The following GRM7 variants were observed in gnomAD, a reference collection of about 807,000 sequenced individuals.
The protein encoded by GRM7 is glutamate metabotropic receptor 7, also known as metabotropic glutamate receptor 7.
Under a neutral mutation model 84.5 loss-of-function variants are expected in GRM7, and 35 were observed. That is an observed-to-expected ratio of 0.41 (90% CI 0.32 to 0.55). GRM7 has a LOEUF of 0.55. Ranked by LOEUF, GRM7 falls within the 20% of genes least tolerant of loss-of-function variation. The pLI, the probability that GRM7 is intolerant of heterozygous loss-of-function variation, is 0.19. For synonymous variants in GRM7, 487 were observed against 455.1 expected (o/e 1.07, Z -0.89); for missense variants, 1,003 against 1,194.6 (o/e 0.84, Z 2.36).
At chr3:7,056,197 CT>C (rs1697213654) in intron 1 of GRM7, among the ~76,000 whole-genome samples, 1 of 152,154 alleles carries the variant, frequency 6.6e-6, no homozygotes, top group South Asian at 2.1e-4. Flanking sequence ...GAGGTCCTTT[CT>C]TTTCCCCAAC....
intron 2 of GRM7, among the ~76,000 whole-genome samples, chr3:7,170,283 C>G (rs1301219234): frequency 6.6e-6 from 1 of 152,112 alleles, no homozygotes; most frequent in Non-Finnish European, 1.5e-5. Context: ...ATGGGCAAAT[C>G]GTGGAGGCCA....
At chr3:7,633,457 G>A (rs1414794673) in intron 8 of GRM7, among the ~76,000 whole-genome samples, 18 of 152,060 alleles carry the variant, frequency 1.2e-4, no homozygotes, top group East Asian at 1.9e-4. Flanking sequence ...ATACACTGCC[G>A]CAAAAGAGGA....
intron 8 of GRM7, among the ~76,000 whole-genome samples, chr3:7,625,285 C>G (rs990737997): frequency 3.9e-4 from 59 of 152,010 alleles, no homozygotes; most frequent in African/African-American, 1.4e-3. Context: ...CAGTAACAAA[C>G]AAGATTCGCT....
At chr3:7,050,100 G>T (rs939701303) in intron 1 of GRM7, among the ~76,000 whole-genome samples, 1 of 151,830 alleles carries the variant, frequency 6.6e-6, no homozygotes, top group African/African-American at 2.4e-5. Flanking sequence ...AGGATACAAG[G>T]CTATGAGGAG....
chr3:7,041,612 A>G (rs1559401590), intron 1 of GRM7, among the ~76,000 whole-genome samples: 1 of 152,218 alleles, frequency 6.6e-6, no homozygotes, highest in Non-Finnish European at 1.5e-5. Context: ...TCTTATGAAC[A>G]TATGTTTTCA....
chr3:7,062,671 A>G (rs1159250127), intron 1 of GRM7, among the ~76,000 whole-genome samples: 1 of 151,764 alleles, frequency 6.6e-6, no homozygotes, highest in African/African-American at 2.4e-5. Context: ...GACTTTTAGC[A>G]TATTTGTCTA....
chr3:7,349,917 G>C (rs528945488), intron 4 of GRM7, among the ~76,000 whole-genome samples: 1 of 151,680 alleles, frequency 6.6e-6, no homozygotes, highest in East Asian at 1.9e-4. Flanking sequence ...TCAAATGCTT[G>C]ATAGGCATCT....
chr3:7,374,699 C>A (rs2125121772), intron 4 of GRM7, among the ~76,000 whole-genome samples: 1 of 150,652 alleles, frequency 6.6e-6, no homozygotes, highest in South Asian at 2.1e-4. Context: ...CCATGTTGGC[C>A]AGGGTGGTCT....
chr3:7,602,976 G>A (rs537146518), intron 8 of GRM7, among the ~76,000 whole-genome samples: 61 of 152,224 alleles, frequency 4.0e-4, no homozygotes, highest in Middle Eastern at 6.8e-3. Context: ...AGCATCTACT[G>A]ACAGAATGAG....
chr3:7,568,102 G>C (rs1346822433), intron 7 of GRM7, among the ~76,000 whole-genome samples: 2 of 152,132 alleles, frequency 1.3e-5, no homozygotes, highest in African/African-American at 4.8e-5. Flanking sequence ...TTCCTTAATT[G>C]CTGGTGGCAG....
rs143952611 is a variant in GRM7 at position 7,570,490 on chromosome 3, C to A, written c.1516-7932C>A. Among the ~76,000 whole-genome samples, 117 of 152,338 alleles carry A rather than the reference C, an allele frequency of 7.7e-4. 1 individual carries two copies. The highest frequency in any genetic ancestry group is 2.5e-3 in the African/African-American group (106 of 41,590). On this transcript the variant is annotated intron_variant, in intron 7 of 9. Transcript: ENST00000357716. ...CCAAAATCCAGCAGGGCAGTCAAAT[C>A]TTAAGCTCCAAAATGAGCTCCTTTT...
chr3:7,152,413 G>T (rs898626096), intron 2 of GRM7, among the ~76,000 whole-genome samples: 2 of 152,088 alleles, frequency 1.3e-5, no homozygotes, highest in African/African-American at 2.4e-5. Context: ...TTCCACAGAG[G>T]ATCAAGTAAA....
intron 1 of GRM7, among the ~76,000 whole-genome samples, chr3:6,972,450 T>A (rs963693620): frequency 2.6e-5 from 4 of 152,212 alleles, no homozygotes; most frequent in Admixed American, 1.3e-4. Flanking sequence ...AAATCCATAA[T>A]GATACAAATC....
intron 4 of GRM7, among the ~76,000 whole-genome samples, chr3:7,413,222 T>G (rs767883750): frequency 6.6e-6 from 1 of 152,114 alleles, no homozygotes; most frequent in Non-Finnish European, 1.5e-5. Flanking sequence ...TATCAGAAGC[T>G]CCATAGCCAT....
chr3:7,162,754 T>G (rs900768754), intron 2 of GRM7, among the ~76,000 whole-genome samples: 1 of 44,246 alleles, frequency 2.3e-5, no homozygotes, highest in African/African-American at 8.8e-5. Flanking sequence ...TTTTTTTTTT[T>G]TTTTTTTTTT....
At chr3:6,937,596 G>A (rs1697735068) in intron 1 of GRM7, among the ~76,000 whole-genome samples, 1 of 152,174 alleles carries the variant, frequency 6.6e-6, no homozygotes, top group Non-Finnish European at 1.5e-5. Flanking sequence ...CTCCCACAGG[G>A]AAGGAACCAA....
chr3:6,888,348 G>T (rs1328930048), intron 1 of GRM7, among the ~76,000 whole-genome samples: 4 of 152,046 alleles, frequency 2.6e-5, no homozygotes, highest in Admixed American at 2.0e-4. Context: ...TTTCTTCTAG[G>T]GTTTTTATGG....
intron 1 of GRM7, among the ~76,000 whole-genome samples, chr3:7,038,399 G>A (rs75812559): frequency 1.3e-3 from 194 of 152,228 alleles, no homozygotes; most frequent in African/African-American, 4.1e-3. Context: ...GCTTGATTCC[G>A]CTTTCCCTTT....
chr3:7,055,929 A>C (rs1697202931), intron 1 of GRM7, among the ~76,000 whole-genome samples: 1 of 151,984 alleles, frequency 6.6e-6, no homozygotes, highest in South Asian at 2.1e-4. Context: ...GAATCAACCT[A>C]GTTGTGCTAA....
Sources: allele counts gnomAD v4.1 joint callset (sites outside exome capture counted in the v4.1 genomes callset), GRCh38; gene constraint gnomAD v4.1.1; transcripts MANE v1.5; gene names NCBI Gene and HGNC (gene_info 2026-07-23, HGNC 2026-07-21).